The following TRIO variants were observed in gnomAD, a reference collection of about 807,000 sequenced individuals.
TRIO encodes triple functional domain protein.
Under a neutral mutation model 351.9 loss-of-function variants are expected in TRIO, and 58 were observed. That is an observed-to-expected ratio of 0.16 (90% CI 0.13 to 0.21). TRIO has a LOEUF of 0.21. Ranked by LOEUF, TRIO falls within the 10% of genes least tolerant of loss-of-function variation. The pLI is 1.00. For synonymous variants in TRIO, 1,758 were observed against 1,595.7 expected, an observed-to-expected ratio of 1.10 and a Z score of -2.42; for missense variants, 3,201 against 4,027.8, an observed-to-expected ratio of 0.79 and a Z score of 5.56.
chr5:14,145,870 C>T (rs1787494308), intron 1 of TRIO, among the ~76,000 whole-genome samples: 1 of 152,176 alleles, frequency 6.6e-6, no homozygotes, highest in Non-Finnish European at 1.5e-5. Flanking sequence ...CCTGTGCTGC[C>T]CCCGCCGCCA....
At chr5:14,304,182 T>C (rs1738163124) in intron 7 of TRIO, among the ~76,000 whole-genome samples, 1 of 152,112 alleles carries the variant, frequency 6.6e-6, no homozygotes. Flanking sequence ...CAGGGCTGCA[T>C]TGCTCTAGGG....
chr5:14,483,852 C>G (rs1231183432), intron 46 of TRIO, among the ~76,000 whole-genome samples: 34 of 152,092 alleles, frequency 2.2e-4, no homozygotes, highest in Admixed American at 2.2e-3. Flanking sequence ...CTTGAGCCTC[C>G]CATCCCCTGA....
intron 1 of TRIO, among the ~76,000 whole-genome samples, chr5:14,248,805 CCCA>C (rs1794584271): frequency 6.6e-6 from 1 of 152,224 alleles, no homozygotes; most frequent in Non-Finnish European, 1.5e-5. Flanking sequence ...TCAGAGCAAG[CCCA>C]CCAATAAGAA....
At position 14,177,076 on chromosome 5, in the gene TRIO, G is replaced by A. The variant is rs540399543; in HGVS notation, c.157+33194G>A. ...TTTACATACTGTAATTGGGTTCCAT[G>A]GACTCTGCCCTGAGGTTTGAGCGCC... On this transcript the variant is annotated intron_variant, in intron 1 of 56. Coordinates refer to ENST00000344204, the MANE Select transcript of TRIO (RefSeq NM_007118.4). Among the ~76,000 whole-genome samples the A allele has an allele frequency of 2.6e-4, 40 of 152,276 alleles. No homozygotes were observed. The Middle Eastern group carries it at 0.01, about 39-fold the overall frequency.
chr5:14,342,324 T>G (rs749528778), intron 11 of TRIO, among the ~76,000 whole-genome samples: 19 of 152,226 alleles, frequency 1.2e-4, no homozygotes, highest in Non-Finnish European at 2.2e-4. Flanking sequence ...AGATTTCTTT[T>G]CCTTCTTTCC....
Position 14,497,057 on chromosome 5 carries a change from A to C in TRIO, c.8019+40A>C, listed in dbSNP as rs1010496778. ...CTTCAGGAGTCCGTGTCATCCCAGC[A>C]TGAGAGAAAGGATCAGGGAGGGCAG... On this transcript the variant is annotated intron_variant, in intron 50 of 56. Coordinates refer to ENST00000344204, the MANE Select transcript of TRIO (RefSeq NM_007118.4). This position sits in a 1 kb window ranked among gnomAD's most constrained non-coding sequence, Gnocchi z 4.4. 6.2e-7 allele frequency: 1 copy of C among 1,608,836 alleles called. No homozygotes were observed. Among genetic ancestry groups the C allele is most frequent in the East Asian group, 2.2e-5 (1 of 44,790 alleles).
intron 34 of TRIO, among the ~76,000 whole-genome samples, chr5:14,453,706 C>T (rs1251643069): frequency 6.6e-6 from 1 of 152,204 alleles, no homozygotes; most frequent in Admixed American, 6.5e-5. Flanking sequence ...TCTGACATCC[C>T]TTATGGATCA....
At position 14,488,053 on chromosome 5, in the gene TRIO, C is replaced by G. The variant is rs761657839; in HGVS notation, c.7425C>G (p.Pro2475=). ...VPSLGKEPFP[P]SSPLQKGGSF... ...CTCTCGGCAAGGAGCCCTTCCCCCC[C>G]AGCAGCCCCCTGCAGAAGGGGGGCT... The change falls in exon 48 of 57, where the codon CCC becomes CCG. Residue 2475 remains proline, a synonymous_variant. Transcript: ENST00000344204. The G allele has an allele frequency of 1.9e-5, 30 of 1,609,296 alleles. No individual in the cohort carries two copies. The highest frequency in any genetic ancestry group is 5.3e-5 in the African/African-American group (4 of 74,820).
chr5:14,223,551 G>A (rs770755650), intron 1 of TRIO, among the ~76,000 whole-genome samples: 3 of 152,146 alleles, frequency 2.0e-5, no homozygotes, highest in Non-Finnish European at 4.4e-5. Flanking sequence ...TTGGCTTCAA[G>A]TTAATCTTAT....
chr5:14,474,708 A>G (rs1250648478), intron 40 of TRIO, among the ~76,000 whole-genome samples: 1 of 152,152 alleles, frequency 6.6e-6, no homozygotes, highest in Non-Finnish European at 1.5e-5. Context: ...CTGTCACCAA[A>G]CTGGAGTGTA....
Position 14,498,945 on chromosome 5 carries a change from A to G in TRIO, c.8332+305A>G, listed in dbSNP as rs989940292. On this transcript the variant is annotated intron_variant, in intron 53 of 56. Transcript: ENST00000344204. ...CCACCATGGGGCACCAGGGCCCCCC[A>G]CGACCAGCTTCTGAGTTGGAGCAGG... 2.3e-5 allele frequency: 7 copies of G among 303,988 alleles called. No individual in the cohort carries two copies. The Admixed American group carries it at 2.5e-4, about 11-fold the overall frequency. The allele number at this position is 303,988 out of a possible 1,614,324, so 18.8% of individuals were successfully genotyped here. A position where few individuals can be genotyped will look rare whatever the true frequency, so the allele number is the denominator to read the frequency against.
intron 1 of TRIO, among the ~76,000 whole-genome samples, chr5:14,250,257 C>T (rs759309937): frequency 5.9e-4 from 90 of 152,298 alleles, no homozygotes; most frequent in Middle Eastern, 3.4e-3. Context: ...ACTGTCTTGA[C>T]GATACCTCTG....
chr5:14,335,503 G>A lies in TRIO; in HGVS notation c.1855-1033G>A, dbSNP rs1471423789. On this transcript the variant is annotated intron_variant, in intron 10 of 56. Transcript: ENST00000344204. ...GTGGACCCCTCCGCAGCAGCTTCCT[G>A]TAACAGCATCAGGGCTCTCGCATGC... 3.9e-5 allele frequency among the ~76,000 whole-genome samples: 6 copies of A among 152,312 alleles called. No homozygotes were observed. In the South Asian group the frequency reaches 6.2e-4, roughly 16 times the overall value.
At chr5:14,412,281 C>T (rs913745873) in intron 33 of TRIO, among the ~76,000 whole-genome samples, 2 of 152,178 alleles carry the variant, frequency 1.3e-5, no homozygotes, top group African/African-American at 4.8e-5. Context: ...AGCCACCATG[C>T]CCGGCCACGG....
chr5:14,392,649 C>G (rs1360919128), intron 27 of TRIO, among the ~76,000 whole-genome samples: 1 of 152,184 alleles, frequency 6.6e-6, no homozygotes, highest in Non-Finnish European at 1.5e-5. Context: ...CGGCACTGTT[C>G]ACAATAGCAA....
At chr5:14,161,007 T>A (rs1307326389) in intron 1 of TRIO, among the ~76,000 whole-genome samples, 2 of 152,026 alleles carry the variant, frequency 1.3e-5, no homozygotes, top group African/African-American at 4.8e-5. Flanking sequence ...GCCTCCTGGG[T>A]TCAAGCGATT....
At chr5:14,505,824 C>T (rs1446951110) in intron 55 of TRIO, among the ~76,000 whole-genome samples, 1 of 152,140 alleles carries the variant, frequency 6.6e-6, no homozygotes, top group Non-Finnish European at 1.5e-5. Context: ...GCTTCCAGCC[C>T]GTCTTTCAAG....
chr5:14,482,459 A>G, intron 45 of TRIO, 123 bp from the exon 46 acceptor site: 1 of 778,476 alleles, frequency 1.3e-6, no homozygotes. Context: ...ATTAAACTCC[A>G]TAAATTAATA....
At chr5:14,293,721 T>C (rs1051004670) in intron 6 of TRIO, among the ~76,000 whole-genome samples, 2 of 152,230 alleles carry the variant, frequency 1.3e-5, no homozygotes, top group Non-Finnish European at 2.9e-5. Context: ...AGGGGGTGAC[T>C]GTAGGACTAC....
Sources: gnomAD v4.1 joint callset for allele counts (sites outside exome capture counted in the v4.1 genomes callset) on GRCh38, gnomAD v4.1.1 for gene constraint, Gnocchi (gnomAD v3.1) non-coding constraint, MANE v1.5 for transcripts, NCBI Gene and HGNC (gene_info 2026-07-23, HGNC 2026-07-21) for gene names.